Variants in SULF2 observed in about 807,000 individuals in gnomAD.
The protein encoded by SULF2 is extracellular sulfatase Sulf-2.
Under a neutral mutation model 107.7 loss-of-function variants are expected in SULF2, and 52 were observed. The ratio of observed to expected loss-of-function variants is 0.48; its 90% confidence interval spans 0.39 to 0.61. The LOEUF (loss-of-function observed/expected upper bound fraction) is 0.61. Ranked by LOEUF, SULF2 falls within the 20% of genes least tolerant of loss-of-function variation. The pLI, the probability that SULF2 is intolerant of heterozygous loss-of-function variation, is 0.00. For synonymous variants in SULF2, 460 were observed against 464.3 expected (o/e 0.99, Z 0.12); for missense variants, 993 against 1,177.3 (o/e 0.84, Z 2.29).
rs760605586 is a variant in SULF2, at chr20:47,678,208, A to G, written c.1193+468T>C. 2.2e-4 allele frequency: 35 copies of G among 156,956 alleles called. No individual in the cohort carries two copies. Among genetic ancestry groups the G allele is most frequent in the Non-Finnish European group, 2.7e-4 (19 of 70,844 alleles). The allele number at this position is 156,956 out of a possible 1,614,324, so 9.7% of individuals were successfully genotyped here. ...TCAGCATCTGAATTCCCAGAGCTAC[A>G]TCCAGACTTGCTGGGATACCTCCGA... On this transcript the variant is annotated intron_variant, in intron 8 of 20. Transcript: ENST00000688720. This position sits in a 1 kb window ranked among gnomAD's most constrained non-coding sequence, Gnocchi z 4.5.
intron 3 of SULF2, among the ~76,000 whole-genome samples, chr20:47,705,849 A>G (rs1199044903): frequency 6.8e-6 from 1 of 146,434 alleles, no homozygotes; most frequent in Non-Finnish European, 1.5e-5. Context: ...TCCAGGCTGG[A>G]GTGCAATGGC....
At chr20:47,719,099 T>C (rs975855063) in intron 3 of SULF2, among the ~76,000 whole-genome samples, 1 of 152,236 alleles carries the variant, frequency 6.6e-6, no homozygotes, top group African/African-American at 2.4e-5. Context: ...GATATTTTCA[T>C]ATCACATTGT....
At chr20:47,765,179 G>A (rs1186205636) in intron 1 of SULF2, among the ~76,000 whole-genome samples, 5 of 151,874 alleles carry the variant, frequency 3.3e-5, no homozygotes, top group South Asian at 4.2e-4. Flanking sequence ...GTGAAACCCC[G>A]TCTCTACTAA....
intron 1 of SULF2, among the ~76,000 whole-genome samples, chr20:47,760,787 CATG>C (rs1300843643): frequency 6.6e-6 from 1 of 152,220 alleles, no homozygotes; most frequent in African/African-American, 2.4e-5. Flanking sequence ...AGTCGTCTGA[CATG>C]AGAACTGTGA....
intron 6 of SULF2, chr20:47,684,206 T>C (rs1241397143): frequency 2.2e-6 from 1 of 463,564 alleles, no homozygotes; most frequent in Non-Finnish European, 3.8e-6. Flanking sequence ...CTAGCATATA[T>C]GGTTACCGTA....
intron 3 of SULF2, among the ~76,000 whole-genome samples, chr20:47,711,189 A>C (rs1234368864): frequency 6.6e-6 from 1 of 152,210 alleles, no homozygotes; most frequent in African/African-American, 2.4e-5. Context: ...GCGTAGGAAC[A>C]CGCTGTTCCT....
chr20:47,758,689 A>AT (rs2090351679), intron 1 of SULF2, among the ~76,000 whole-genome samples: 1 of 152,014 alleles, frequency 6.6e-6, no homozygotes, highest in Non-Finnish European at 1.5e-5. Flanking sequence ...CTCCGTGGTC[A>AT]TTTTTTCACT....
intron 18 of SULF2, among the ~76,000 whole-genome samples, chr20:47,660,148 C>T (rs1452532349): frequency 6.6e-6 from 1 of 152,180 alleles, no homozygotes; most frequent in East Asian, 1.9e-4. Context: ...TGCGTGGGCT[C>T]CGGGGTCAGC....
intron 20 of SULF2, 48 bp from the exon 21 acceptor site, chr20:47,658,440 T>C (rs567816837): frequency 1.3e-6 from 2 of 1,579,576 alleles, no homozygotes; most frequent in South Asian, 2.2e-5. Flanking sequence ...TCATGGTCTT[T>C]ATCATGACTT....
chr20:47,761,483 T>A (rs2090418167), intron 1 of SULF2, among the ~76,000 whole-genome samples: 2 of 152,228 alleles, frequency 1.3e-5, no homozygotes, highest in South Asian at 4.1e-4. Context: ...AAAAGAAAAC[T>A]TCCTACCCAA....
At chr20:47,715,138 C>T (rs1388252167) in intron 3 of SULF2, among the ~76,000 whole-genome samples, 1 of 144,172 alleles carries the variant, frequency 6.9e-6, no homozygotes, top group African/African-American at 2.6e-5. Flanking sequence ...CATTATGTTG[C>T]CCAGGCTGGT....
chr20:47,742,095 T>C (rs374644614), intron 2 of SULF2, among the ~76,000 whole-genome samples: 3 of 152,218 alleles, frequency 2.0e-5, no homozygotes, highest in African/African-American at 7.2e-5. Context: ...GCAGCATCTG[T>C]GCATGGGCAG....
chr20:47,712,051 C>A (rs972895295), intron 3 of SULF2, among the ~76,000 whole-genome samples: 6 of 152,184 alleles, frequency 3.9e-5, no homozygotes, highest in African/African-American at 1.4e-4. Flanking sequence ...CACGAATACA[C>A]AACATACACA....
At chr20:47,764,651 C>T (rs1308380137) in intron 1 of SULF2, among the ~76,000 whole-genome samples, 1 of 152,122 alleles carries the variant, frequency 6.6e-6, no homozygotes, top group East Asian at 1.9e-4. Context: ...GGTGGCCGCC[C>T]ATTGGATGGA....
At chr20:47,708,865 G>A (rs1281770419) in intron 3 of SULF2, among the ~76,000 whole-genome samples, 2 of 152,078 alleles carry the variant, frequency 1.3e-5, no homozygotes, top group African/African-American at 4.8e-5. Context: ...AATGCAAGCT[G>A]TTTCCTCTGC....
chr20:47,755,057 C>T lies in SULF2; in HGVS notation c.175+2132G>A, dbSNP rs149856517. The stretch of plus-strand genomic sequence containing the variant: ...CTCACTATGTTGCCCAGGCTGGTCT[C>T]GAACTCCTGGCCTCAAGTGATCCTC... On this transcript the variant is annotated intron_variant, in intron 2 of 20. Coordinates refer to ENST00000688720, the MANE Select transcript of SULF2 (RefSeq NM_001387048.1). Among the ~76,000 whole-genome samples the T allele has an allele frequency of 1.2e-3, 186 of 152,188 alleles. 1 individual carries two copies. Among genetic ancestry groups the T allele is most frequent in the African/African-American group, 4.1e-3 (170 of 41,514 alleles).
At chr20:47,759,143 C>T (rs2090361481) in intron 1 of SULF2, among the ~76,000 whole-genome samples, 2 of 152,342 alleles carry the variant, frequency 1.3e-5, no homozygotes, top group African/African-American at 2.4e-5. Flanking sequence ...GGGGTGCTCG[C>T]TCCCAGGCTG....
At chr20:47,693,463 A>T (rs1481547893) in intron 4 of SULF2, among the ~76,000 whole-genome samples, 1 of 152,344 alleles carries the variant, frequency 6.6e-6, no homozygotes, top group Admixed American at 6.5e-5. Flanking sequence ...AAACTTTTTT[A>T]AAAATAAAGC....
chr20:47,695,038 A>G (rs1201571966), intron 4 of SULF2, among the ~76,000 whole-genome samples: 3 of 152,244 alleles, frequency 2.0e-5, no homozygotes, highest in Admixed American at 2.0e-4. Flanking sequence ...ATTAATGAGA[A>G]GCATACATAG....
Sources: allele counts gnomAD v4.1 joint callset (sites outside exome capture counted in the v4.1 genomes callset), GRCh38; gene constraint gnomAD v4.1.1; non-coding constraint Gnocchi (gnomAD v3.1); transcripts MANE v1.5; gene names NCBI Gene and HGNC (gene_info 2026-07-23, HGNC 2026-07-21).